The following SPDYE4 variants were observed in gnomAD, a reference collection of about 807,000 sequenced individuals.
The protein encoded by SPDYE4 is speedy/RINGO cell cycle regulator family member E4, also known as speedy protein E4.
SPDYE4 carries 30 observed loss-of-function variants against 37.5 expected under a neutral mutation model. The ratio of observed to expected loss-of-function variants is 0.80; its 90% CI spans 0.60 to 1.09. SPDYE4 has a LOEUF of 1.09. Ranked by LOEUF, SPDYE4 falls within the 50% of genes least tolerant of loss-of-function variation. The probability of loss-of-function intolerance (pLI) is 0.00; values close to 1 mark genes in which losing one functional copy is unlikely to be tolerated. For synonymous variants in SPDYE4, 131 were observed against 120.3 expected (o/e 1.09, Z -0.58); for missense variants, 300 against 307.9 (o/e 0.97, Z 0.19).
chr17:8,757,971 CAG>C (rs1032247479), intron 1 of SPDYE4, among the ~76,000 whole-genome samples: 5 of 152,062 alleles, frequency 3.3e-5, no homozygotes, highest in Non-Finnish European at 7.4e-5. Context: ...TTGGTAGAGA[CAG>C]GGTTTCATCG....
Position 8,751,128 on chromosome 17 carries a change from T to C in SPDYE4, c.*1154A>G, listed in dbSNP as rs2086725574. Among the ~76,000 whole-genome samples the C allele has an allele frequency of 6.6e-6, 1 of 152,184 alleles. No homozygotes were observed. The highest frequency in any genetic ancestry group is 6.5e-5 in the Admixed American group (1 of 15,274). On this transcript the variant is annotated 3_prime_UTR_variant, in exon 7 of 7. Transcript: ENST00000689094. The stretch of plus-strand genomic sequence containing the variant: ...AGATATATTATGTAACTACTCTAGG[T>C]CATAACAGTGCTCCCTTCAGCAGCA...
Position 8,753,406 on chromosome 17 carries a change from T to C in SPDYE4, c.569A>G (p.Gln190Arg), listed in dbSNP as rs748998840. 6.2e-7 allele frequency: 1 copy of C among 1,603,306 alleles called. No individual in the cohort carries two copies. ...TCGAAGCTTATGGAACAAGGGTCGC[T>C]GGGAGTAGTTCTTCCCGTAGAGGAA... Reference protein sequence around the residue: ...FSFLYGKNYSQRPLFHKLRYQ... With the variant: ...FSFLYGKNYSRRPLFHKLRYQ... The change falls in exon 5 of 7, where the codon CAG (glutamine) becomes CGG (arginine). Residue 190 changes from glutamine (Q) to arginine (R), a missense_variant. By Grantham distance (43) the Gln-to-Arg change is conservative (BLOSUM62 1). Transcript: ENST00000689094.
chr17:8,753,107 G>A lies in SPDYE4; in HGVS notation c.*31C>T, dbSNP rs1414283191. ...ATACACACGTACCTTCCCTCAGGCC[G>A]ATGACCTCAGGCCTCCATGTCCCCG... is the stretch of plus-strand genomic sequence containing the variant. On this transcript the variant is annotated 3_prime_UTR_variant, in exon 6 of 7. Coordinates refer to ENST00000689094, the MANE Select transcript of SPDYE4 (RefSeq NM_001394956.1). 25 of 1,612,464 alleles carry A rather than the reference G, an allele frequency of 1.6e-5. No homozygotes were observed. The highest frequency in any genetic ancestry group is 1.2e-4 in the Admixed American group (7 of 59,960).
intron 2 of SPDYE4, among the ~76,000 whole-genome samples, chr17:8,756,670 A>AGTTG (rs2086775479): frequency 6.6e-6 from 1 of 152,174 alleles, no homozygotes; most frequent in Non-Finnish European, 1.5e-5. Flanking sequence ...TACAGGATGA[A>AGTTG]GAGCTGTGAA....
At position 8,757,421 on chromosome 17, in the gene SPDYE4, A is replaced by G. The variant is rs1400200596; in HGVS notation, c.181T>C (p.Ser61Pro). 1.9e-6 allele frequency: 3 copies of G among 1,593,912 alleles called. No individual in the cohort carries two copies. Among genetic ancestry groups the G allele is most frequent in the African/African-American group, 2.7e-5 (2 of 74,466 alleles). The change falls in exon 2 of 7, where the codon TCC becomes CCC. Residue 61 changes from serine (S) to proline (P), a missense_variant. Physicochemically the swap from Ser to Pro is moderately conservative, Grantham distance 74. Transcript: ENST00000689094. ...LKRKSEWSDE[S>P]EEELEEELEL... ...AGCTCCTCCTCCAGCTCCTCCTCGG[A>G]TTCGTCTGACCATTCGCTCTTCCTT...
At position 8,757,424 on chromosome 17, in the gene SPDYE4, C is replaced by T. The variant is rs147906610; in HGVS notation, c.178G>A (p.Glu60Lys). The T allele has an allele frequency of 2.1e-5, 33 of 1,594,774 alleles. No individual in the cohort carries two copies. Among genetic ancestry groups the T allele is most frequent in the Admixed American group, 1.6e-4 (9 of 55,982 alleles). Residue 60 changes from glutamate to lysine, a missense_variant, in exon 2 of 7, where the codon GAA becomes AAA. Physicochemically the swap from Glu to Lys is moderately conservative, Grantham distance 56. Coordinates refer to ENST00000689094, the MANE Select transcript of SPDYE4 (RefSeq NM_001394956.1). ...TCCTCCTCCAGCTCCTCCTCGGATT[C>T]GTCTGACCATTCGCTCTTCCTTTTC... Reference protein sequence around the residue: ...GLKRKSEWSDESEEELEEELE... With the variant: ...GLKRKSEWSDKSEEELEEELE...
intron 1 of SPDYE4, among the ~76,000 whole-genome samples, chr17:8,758,024 G>C (rs928179925): frequency 6.6e-6 from 1 of 151,910 alleles, no homozygotes; most frequent in African/African-American, 2.4e-5. Context: ...CTCGTGATCC[G>C]TCCGCCTCGG....
chr17:8,757,628 C>CTTTT, intron 1 of SPDYE4, 136 bp from the exon 2 acceptor site: 1 of 729,214 alleles, frequency 1.4e-6, no homozygotes, highest in East Asian at 2.8e-5. Context: ...CATGTTTCCA[C>CTTTT]CTTTCTCCTT....
At chr17:8,750,389 C>CAAAT (rs998384288), downstream of SPDYE4, among the ~76,000 whole-genome samples, 58 of 147,854 alleles carry the variant, frequency 3.9e-4, no homozygotes, top group African/African-American at 8.5e-4. Context: ...ATCCTTGTCT[C>CAAAT]AAATAAATAA....
Position 8,753,093 on chromosome 17 carries a change from C to T in SPDYE4, c.*44+1G>A. The T allele has an allele frequency of 1.2e-6, 2 of 1,602,888 alleles. No homozygotes were observed. The highest frequency in any genetic ancestry group is 2.2e-5 in the South Asian group (2 of 90,692). The stretch of plus-strand genomic sequence containing the variant: ...CTTTACCCTGGAGGATACACACGTA[C>T]CTTCCCTCAGGCCGATGACCTCAGG... On this transcript the variant is annotated splice_donor_variant, in intron 6 of 6. Coordinates refer to ENST00000689094, the MANE Select transcript of SPDYE4 (RefSeq NM_001394956.1). LOFTEE classifies it low-confidence loss of function (3UTR_SPLICE).
Position 8,753,349 on chromosome 17 carries a change from G to T in SPDYE4, c.626C>A (p.Thr209Lys). The stretch of plus-strand genomic sequence containing the variant: ...CTCCATCTCCTCTGGGGAAACCCAC[G>T]TCCTCCAGCGCATGGAACAGAGGAG... ...YQLLCSMRWR[T>K]WVSPEEMEEI... The change falls in exon 5 of 7, where the codon ACG becomes AAG. Residue 209 changes from threonine to lysine, a missense_variant. Coordinates refer to ENST00000689094, the MANE Select transcript of SPDYE4 (RefSeq NM_001394956.1). 1 of 1,371,858 alleles carries T rather than the reference G, an allele frequency of 7.3e-7. No individual in the cohort carries two copies. Among genetic ancestry groups the T allele is most frequent in the Non-Finnish European group, 9.6e-7 (1 of 1,036,820 alleles). The allele number at this position is 1,371,858 out of a possible 1,614,324, so 85.0% of individuals were successfully genotyped here. A position where few individuals can be genotyped will look rare whatever the true frequency, so the allele number is the denominator to read the frequency against.
In SPDYE4 at chr17:8,753,111, A is replaced by G. The variant is rs2086740438; in HGVS notation, c.*27T>C. The G allele has an allele frequency of 6.2e-7, 1 of 1,612,960 alleles. No homozygotes were observed. On this transcript the variant is annotated 3_prime_UTR_variant, in exon 6 of 7. Transcript: ENST00000689094. Reference sequence around the variant, plus strand: ...ACACGTACCTTCCCTCAGGCCGATGACCTCAGGCCTCCATGTCCCCGGAGC... The same window carrying G: ...ACACGTACCTTCCCTCAGGCCGATGGCCTCAGGCCTCCATGTCCCCGGAGC...
chr17:8,758,232 C>T, intron 1 of SPDYE4, 42 bp downstream of exon 1: 1 of 1,453,352 alleles, frequency 6.9e-7, no homozygotes, highest in Non-Finnish European at 9.3e-7. Context: ...TCCCTCTCCT[C>T]AGTCAATCAT....
chr17:8,749,795 C>T (rs901930099), downstream of SPDYE4, among the ~76,000 whole-genome samples: 12 of 152,176 alleles, frequency 7.9e-5, no homozygotes, highest in Non-Finnish European at 1.6e-4. Context: ...ATTGCACAAA[C>T]GCTTCTCAAA....
rs2086727965 is a variant in SPDYE4, at chr17:8,751,480, A to G, written c.*802T>C. Among the ~76,000 whole-genome samples, 2 of 152,290 alleles carry G rather than the reference A, an allele frequency of 1.3e-5. No homozygotes were observed. The highest frequency in any genetic ancestry group is 2.9e-5 in the Non-Finnish European group (2 of 68,008). On this transcript the variant is annotated 3_prime_UTR_variant, in exon 7 of 7. Transcript: ENST00000689094. The stretch of plus-strand genomic sequence containing the variant: ...AACAAACAGTAAACAGAAAATAAAC[A>G]TTTCTATTTGCAAGAATGTAGGGGA...
At chr17:8,755,233 A>G (rs1233823938) in intron 4 of SPDYE4, among the ~76,000 whole-genome samples, 1 of 152,226 alleles carries the variant, frequency 6.6e-6, no homozygotes, top group African/African-American at 2.4e-5. Context: ...GAGACGAGAG[A>G]ACCAGAAATG....
downstream of SPDYE4, among the ~76,000 whole-genome samples, chr17:8,749,503 T>C (rs2086712869): frequency 1.3e-5 from 2 of 152,142 alleles, no homozygotes; most frequent in African/African-American, 2.4e-5. Context: ...CCTGATCTTG[T>C]GATCTGCCCA....
rs373821042 is a variant in SPDYE4, at chr17:8,756,436, C to G, written c.341G>C (p.Gly114Ala). The G allele has an allele frequency of 1.2e-6, 2 of 1,613,880 alleles. No homozygotes were observed. Among genetic ancestry groups the G allele is most frequent in the Non-Finnish European group, 1.7e-6 (2 of 1,179,864 alleles). The change falls in exon 3 of 7, where the codon GGG (glycine) becomes GCG (alanine). Residue 114 changes from glycine to alanine, a missense_variant and splice_region_variant. Physicochemically the swap from Gly to Ala is moderately conservative, Grantham distance 60. Transcript: ENST00000689094. ...EHHEAFNRLL[G>A]DPVVQKFLAW... ...CAGGAATTTTTGAACGACAGGATCC[C>G]CTGTGAAAAGAGAGCCTGTGTCAGG...
At chr17:8,752,713 A>G (rs1283421734) in intron 6 of SPDYE4, among the ~76,000 whole-genome samples, 2 of 152,130 alleles carry the variant, frequency 1.3e-5, no homozygotes, top group African/African-American at 4.8e-5. Context: ...TTAGCTGCAC[A>G]AGATGTCAAC....
Sources: allele counts gnomAD v4.1 joint callset (sites outside exome capture counted in the v4.1 genomes callset), GRCh38; gene constraint gnomAD v4.1.1; transcripts MANE v1.5; gene names NCBI Gene and HGNC (gene_info 2026-07-23, HGNC 2026-07-21).